MMP26: variants seen among roughly 807,000 people sequenced by gnomAD.
The protein encoded by MMP26 is matrix metallopeptidase 26.
Under a neutral mutation model 31.0 loss-of-function variants are expected in MMP26, and 33 were observed. The ratio of observed to expected loss-of-function variants is 1.06; its 90% CI spans 0.81 to 1.42. The LOEUF is 1.42. Ranked by LOEUF, MMP26 falls within the 40% of genes most tolerant of loss-of-function variation. MMP26 has a pLI of 0.00. For synonymous variants in MMP26, 122 were observed against 114.9 expected (o/e 1.06, Z -0.40); for missense variants, 347 against 316.1 (o/e 1.10, Z -0.74).
At chr11:4,894,833 G>C (rs978465028) in intron 2 of MMP26, among the ~76,000 whole-genome samples, 6 of 152,124 alleles carry the variant, frequency 3.9e-5, no homozygotes, top group Non-Finnish European at 7.4e-5. Flanking sequence ...CTAGACTAGA[G>C]TTTTTGCTAG....
At chr11:4,877,094 A>T (rs757381062) in intron 2 of MMP26, 1 of 152,378 alleles carries the variant, frequency 6.6e-6, no homozygotes, top group Non-Finnish European at 1.5e-5. Flanking sequence ...TCTCCCATGC[A>T]TACTGCCTCC....
At chr11:4,817,807 A>G (rs527919675) in intron 2 of MMP26, among the ~76,000 whole-genome samples, 12 of 152,256 alleles carry the variant, frequency 7.9e-5, no homozygotes, top group Admixed American at 3.3e-4. Context: ...TCTCTTGGCA[A>G]CAGGGTTGGG....
intron 2 of MMP26, among the ~76,000 whole-genome samples, chr11:4,801,864 C>T (rs531486594): frequency 1.2e-4 from 19 of 152,026 alleles, no homozygotes; most frequent in African/African-American, 4.1e-4. Flanking sequence ...AACCGGATCT[C>T]GCATGATCTA....
At chr11:4,766,204 A>G (rs978471399) in intron 1 of MMP26, among the ~76,000 whole-genome samples, 7 of 152,170 alleles carry the variant, frequency 4.6e-5, no homozygotes, top group Non-Finnish European at 7.4e-5. Flanking sequence ...GGCCCAGCAC[A>G]TTCCCAACAG....
intron 2 of MMP26, among the ~76,000 whole-genome samples, chr11:4,770,867 G>A (rs961412680): frequency 2.0e-5 from 3 of 151,920 alleles, no homozygotes; most frequent in Non-Finnish European, 4.4e-5. Flanking sequence ...AAAAAACATG[G>A]TGTGAAGACC....
intron 2 of MMP26, among the ~76,000 whole-genome samples, chr11:4,855,074 T>C (rs912088570): frequency 6.6e-5 from 10 of 152,208 alleles, no homozygotes; most frequent in African/African-American, 2.2e-4. Flanking sequence ...GTCACCATCA[T>C]GAAAGACCAA....
intron 2 of MMP26, among the ~76,000 whole-genome samples, chr11:4,974,399 G>A (rs899047402): frequency 9.2e-5 from 14 of 151,768 alleles, no homozygotes; most frequent in African/African-American, 2.4e-4. Context: ...TAGTGTCTTC[G>A]TTGTAAACAT....
intron 1 of MMP26, chr11:4,712,091 T>G (rs1371394411): frequency 1.3e-5 from 2 of 152,188 alleles, no homozygotes; most frequent in African/African-American, 2.4e-5. Context: ...ACAAGTGCAG[T>G]GCTTTATTAA....
intron 1 of MMP26, chr11:4,736,829 T>C (rs1052172055): frequency 6.6e-6 from 1 of 152,494 alleles, no homozygotes; most frequent in Non-Finnish European, 1.5e-5. Context: ...CTGATCTGTC[T>C]TGCATTGAAC....
chr11:4,872,412 T>G (rs1850322795), intron 2 of MMP26, among the ~76,000 whole-genome samples: 1 of 152,098 alleles, frequency 6.6e-6, no homozygotes, highest in Non-Finnish European at 1.5e-5. Flanking sequence ...TAACTGTAGA[T>G]GTGGGAATTA....
At position 4,822,371 on chromosome 11, in the gene MMP26, A is replaced by G. The variant is rs758506934; in HGVS notation, c.-145+55030A>G. 4 of 1,466,446 alleles carry G rather than the reference A, an allele frequency of 2.7e-6. No homozygotes were observed. In the East Asian group the frequency reaches 7.2e-5, roughly 26 times the overall value. 90.8% of individuals were successfully genotyped at this position (1,466,446 alleles called of 1,614,324 possible). A position where few individuals can be genotyped will look rare whatever the true frequency, so the allele number is the denominator to read the frequency against. On this transcript the variant is annotated intron_variant, in intron 2 of 7. Coordinates refer to ENST00000380390, the MANE Select transcript of MMP26 (RefSeq NM_021801.5). ...TTAATTCAGAAGCACTCCAAATCTAATCATCAGCTATTTCTGATTAGAGAT... is the reference window on the plus strand; with the variant it reads ...TTAATTCAGAAGCACTCCAAATCTAGTCATCAGCTATTTCTGATTAGAGAT...
chr11:4,882,506 T>C (rs1220751203), intron 2 of MMP26: 2 of 1,613,868 alleles, frequency 1.2e-6, no homozygotes, highest in Admixed American at 1.7e-5. Flanking sequence ...TTGGGGACTG[T>C]TTCTTCAGCT....
chr11:4,785,633 C>T (rs1848932426), intron 2 of MMP26, among the ~76,000 whole-genome samples: 1 of 152,014 alleles, frequency 6.6e-6, no homozygotes, highest in African/African-American at 2.4e-5. Flanking sequence ...ATTACAAATC[C>T]TAATTCACTA....
chr11:4,767,094 C>T (rs549447887), intron 1 of MMP26, among the ~76,000 whole-genome samples, 176 bp from the exon 2 acceptor site: 2 of 152,088 alleles, frequency 1.3e-5, no homozygotes, highest in Non-Finnish European at 2.9e-5. Flanking sequence ...GCTACTAACA[C>T]AAATTTTATA....
intron 2 of MMP26, among the ~76,000 whole-genome samples, chr11:4,906,749 AT>A (rs1210949414): frequency 6.6e-6 from 1 of 152,164 alleles, no homozygotes; most frequent in Non-Finnish European, 1.5e-5. Flanking sequence ...CTTTTTACTG[AT>A]TCAAAGCAGC....
At chr11:4,827,587 T>C (rs1030881417) in intron 2 of MMP26, among the ~76,000 whole-genome samples, 1 of 151,968 alleles carries the variant, frequency 6.6e-6, no homozygotes, top group African/African-American at 2.4e-5. Flanking sequence ...ATATTTATTA[T>C]TTCTAAGTTT....
chr11:4,951,419 T>C (rs958986311), intron 2 of MMP26, among the ~76,000 whole-genome samples: 2 of 124,674 alleles, frequency 1.6e-5, no homozygotes, highest in African/African-American at 5.4e-5. Context: ...ACCAGTGAAC[T>C]CTCTCCAGGC....
chr11:4,813,768 G>A (rs1001698575), intron 2 of MMP26, among the ~76,000 whole-genome samples: 2 of 151,746 alleles, frequency 1.3e-5, no homozygotes, highest in African/African-American at 4.8e-5. Flanking sequence ...TCTTATACAG[G>A]ACACAAAAGT....
intron 2 of MMP26, among the ~76,000 whole-genome samples, chr11:4,810,320 G>A (rs1156567815): frequency 2.0e-5 from 3 of 152,056 alleles, no homozygotes; most frequent in African/African-American, 7.2e-5. Context: ...AAGTCGAGTC[G>A]ATGTGTGTAT....
Sources: allele counts gnomAD v4.1 joint callset (sites outside exome capture counted in the v4.1 genomes callset), GRCh38; gene constraint gnomAD v4.1.1; transcripts MANE v1.5; gene names NCBI Gene and HGNC (gene_info 2026-07-23, HGNC 2026-07-21).